The following JAZF1 variants were observed in gnomAD, a reference collection of about 807,000 sequenced individuals.
The protein encoded by JAZF1 is JAZF zinc finger 1.
Under a neutral mutation model 26.4 loss-of-function variants are expected in JAZF1, and 8 were observed. That is an observed-to-expected ratio of 0.30 (90% confidence interval 0.18 to 0.55). The LOEUF (loss-of-function observed/expected upper bound fraction) is 0.55. Ranked by LOEUF, JAZF1 falls within the 20% of genes least tolerant of loss-of-function variation. The probability of loss-of-function intolerance (pLI) is 0.94; values close to 1 mark genes in which losing one functional copy is unlikely to be tolerated. For missense variants in JAZF1, 199 were observed against 322.0 expected (o/e 0.62, Z 2.92); for synonymous variants, 126 against 122.3 (o/e 1.03, Z -0.20).
chr7:28,083,083 C>T (rs759975904), intron 1 of JAZF1, among the ~76,000 whole-genome samples: 2 of 152,192 alleles, frequency 1.3e-5, no homozygotes, highest in South Asian at 2.1e-4. Flanking sequence ...TCATCCAAAT[C>T]CCCTCTACCT....
intron 1 of JAZF1, among the ~76,000 whole-genome samples, chr7:28,004,004 T>G (rs1364515582): frequency 6.6e-6 from 1 of 152,174 alleles, no homozygotes; most frequent in Non-Finnish European, 1.5e-5. Flanking sequence ...TGCCTGCCCC[T>G]ACCCACCCCT....
intron 2 of JAZF1, among the ~76,000 whole-genome samples, chr7:27,976,142 A>C (rs943730657): frequency 1.3e-5 from 2 of 152,128 alleles, no homozygotes; most frequent in African/African-American, 4.8e-5. Flanking sequence ...CAAGAGATCG[A>C]GACCATCCTG....
At chr7:27,867,841 T>A (rs927489493) in intron 3 of JAZF1, among the ~76,000 whole-genome samples, 3 of 152,202 alleles carry the variant, frequency 2.0e-5, no homozygotes, top group African/African-American at 7.2e-5. Context: ...CTACTAAGCT[T>A]CTCTTAGACA....
chr7:28,123,704 T>C lies in JAZF1; in HGVS notation c.115+56759A>G, dbSNP rs149022189. Reference sequence around the variant, plus strand: ...AATGGACATGTATCCCTATCACCTGTACCTTGTACATACACATCTATAGCA... The same window carrying C: ...AATGGACATGTATCCCTATCACCTGCACCTTGTACATACACATCTATAGCA... On this transcript the variant is annotated intron_variant, in intron 1 of 4. Transcript: ENST00000283928. Among the ~76,000 whole-genome samples, 231 of 152,126 alleles carry C rather than the reference T, an allele frequency of 1.5e-3. 2 individuals carry two copies. The highest frequency in any genetic ancestry group is 9.1e-4 in the Non-Finnish European group (62 of 68,044).
intron 1 of JAZF1, among the ~76,000 whole-genome samples, chr7:28,097,910 C>T (rs1784409940): frequency 6.6e-6 from 1 of 152,148 alleles, no homozygotes; most frequent in African/African-American, 2.4e-5. Flanking sequence ...ACAGGGGTGC[C>T]CAGCTCCAGG....
At chr7:27,981,718 T>C (rs911859323) in intron 2 of JAZF1, among the ~76,000 whole-genome samples, 1 of 152,264 alleles carries the variant, frequency 6.6e-6, no homozygotes, top group African/African-American at 2.4e-5. Context: ...TAATTTTCTA[T>C]AATGCCTATA....
At chr7:28,123,313 A>G (rs2127938764) in intron 1 of JAZF1, among the ~76,000 whole-genome samples, 1 of 152,282 alleles carries the variant, frequency 6.6e-6, no homozygotes, top group Admixed American at 6.5e-5. Flanking sequence ...TTCAACCAGC[A>G]AAGCCCTCCT....
intron 2 of JAZF1, among the ~76,000 whole-genome samples, chr7:27,924,654 T>A (rs1784582981): frequency 6.6e-6 from 1 of 152,142 alleles, no homozygotes; most frequent in African/African-American, 2.4e-5. Context: ...GACAACTGAG[T>A]CATTCTGTAA....
intron 1 of JAZF1, among the ~76,000 whole-genome samples, chr7:28,109,770 T>C (rs539808327): frequency 6.6e-6 from 1 of 152,330 alleles, no homozygotes; most frequent in South Asian, 2.1e-4. Context: ...TGTTCAGTAT[T>C]AGCCATGAGA....
intron 2 of JAZF1, among the ~76,000 whole-genome samples, chr7:27,927,959 C>T (rs1784626582): frequency 6.6e-6 from 1 of 152,170 alleles, no homozygotes; most frequent in Non-Finnish European, 1.5e-5. Flanking sequence ...ATTGAATCTA[C>T]AAGGCCCACA....
chr7:27,888,217 A>T (rs2128340743), intron 3 of JAZF1, among the ~76,000 whole-genome samples: 2 of 152,202 alleles, frequency 1.3e-5, no homozygotes, highest in East Asian at 3.8e-4. Context: ...TAGAAAAACC[A>T]AATCACAGCC....
intron 2 of JAZF1, among the ~76,000 whole-genome samples, chr7:27,969,967 G>T (rs1249594761): frequency 1.3e-5 from 2 of 152,146 alleles, no homozygotes; most frequent in Admixed American, 6.5e-5. Context: ...AACCTTGTCT[G>T]CCATTTATTA....
chr7:27,957,835 T>A (rs1369872203), intron 2 of JAZF1, among the ~76,000 whole-genome samples: 1 of 152,240 alleles, frequency 6.6e-6, no homozygotes, highest in East Asian at 1.9e-4. Flanking sequence ...AATTTGCTAA[T>A]TGAAAATTCT....
intron 1 of JAZF1, among the ~76,000 whole-genome samples, chr7:28,034,469 T>TATACACACAC (rs1554283294): frequency 6.9e-6 from 1 of 145,290 alleles, no homozygotes; most frequent in Non-Finnish European, 1.5e-5. Context: ...AGAAAACTAA[T>TATACACACAC]ACACACACAC....
intron 1 of JAZF1, among the ~76,000 whole-genome samples, chr7:28,007,189 A>AT (rs1304204050): frequency 6.6e-6 from 1 of 152,146 alleles, no homozygotes; most frequent in Non-Finnish European, 1.5e-5. Context: ...GCATAGAATT[A>AT]TTTCTGGACC....
intron 1 of JAZF1, among the ~76,000 whole-genome samples, chr7:28,158,143 A>ACG (rs1341205525): frequency 1.3e-4 from 19 of 141,848 alleles, no homozygotes; most frequent in South Asian, 7.5e-4. Flanking sequence ...CATTGAAAAC[A>ACG]CGCGCGCACA....
intron 1 of JAZF1, among the ~76,000 whole-genome samples, chr7:28,151,722 C>T (rs1029806895): frequency 2.6e-5 from 4 of 151,348 alleles, no homozygotes; most frequent in African/African-American, 7.3e-5. Flanking sequence ...ACCCGGGAGG[C>T]GGAGGTTGCA....
At chr7:28,025,452 T>C (rs972345050) in intron 1 of JAZF1, among the ~76,000 whole-genome samples, 1 of 151,032 alleles carries the variant, frequency 6.6e-6, no homozygotes, top group African/African-American at 2.4e-5. Flanking sequence ...AAAAGGTAAA[T>C]AGACTTGCTT....
intron 2 of JAZF1, among the ~76,000 whole-genome samples, chr7:27,924,131 T>G (rs899040119): frequency 6.6e-6 from 1 of 151,958 alleles, no homozygotes; most frequent in Non-Finnish European, 1.5e-5. Flanking sequence ...CAGGCTGGAG[T>G]GCAGTGGCGC....
Sources: allele counts gnomAD v4.1 joint callset (sites outside exome capture counted in the v4.1 genomes callset), GRCh38; gene constraint gnomAD v4.1.1; transcripts MANE v1.5; gene names NCBI Gene and HGNC (gene_info 2026-07-23, HGNC 2026-07-21).